The following KDM5A variants were observed in gnomAD, a reference collection of about 807,000 sequenced individuals.
KDM5A encodes the protein lysine demethylase 5A.
KDM5A carries 42 observed loss-of-function variants against 193.5 expected under a neutral mutation model. The ratio of observed to expected loss-of-function variants is 0.22; its 90% CI spans 0.17 to 0.28. The LOEUF is 0.28. KDM5A is among the 10% of genes least tolerant of loss of function. The pLI is 1.00. For missense variants in KDM5A, 1,692 were observed against 2,055.1 expected (o/e 0.82, Z 3.42); for synonymous variants, 796 against 718.1 (o/e 1.11, Z -1.73).
Position 283,990 on chromosome 12 carries a change from G to A in KDM5A, c.*1466C>T, listed in dbSNP as rs1213085589. The A allele has an allele frequency of 4.3e-6, 1 of 233,208 alleles. No homozygotes were observed. The highest frequency in any genetic ancestry group is 8.5e-6 in the Non-Finnish European group (1 of 117,918). The allele number at this position is 233,208 out of a possible 1,614,324, so 14.4% of individuals were successfully genotyped here. On this transcript the variant is annotated 3_prime_UTR_variant, in exon 28 of 28. Coordinates refer to ENST00000399788, the MANE Select transcript of KDM5A (RefSeq NM_001042603.3). ...CCAGCACAGACTAGAGTGAGACCAA[G>A]TTTCCCAACAGACAGGGACAAGTCC...
chr12:329,443 G>T (rs1591915904), intron 13 of KDM5A, among the ~76,000 whole-genome samples: 1 of 151,054 alleles, frequency 6.6e-6, no homozygotes, highest in East Asian at 1.9e-4. Flanking sequence ...GAAGTATTCA[G>T]CACTCAAATT....
At chr12:380,992 ATT>A (rs1195357589) in intron 3 of KDM5A, among the ~76,000 whole-genome samples, 1 of 82,306 alleles carries the variant, frequency 1.2e-5, no homozygotes, top group East Asian at 2.8e-4. Context: ...GATAGGTTTT[ATT>A]TTATTTTTTT....
intron 12 of KDM5A, among the ~76,000 whole-genome samples, chr12:332,288 C>A (rs1481208173): frequency 1.3e-5 from 2 of 152,122 alleles, no homozygotes; most frequent in Non-Finnish European, 2.9e-5. Context: ...AATAGAATTT[C>A]CTACTACTTT....
Position 290,304 on chromosome 12 carries a change from C to A in KDM5A, c.4866+2455G>T, listed in dbSNP as rs543817000. On this transcript the variant is annotated intron_variant, in intron 27 of 27. Coordinates refer to ENST00000399788, the MANE Select transcript of KDM5A (RefSeq NM_001042603.3). ...TAGAACCATAAAAACTGCAAAACAG[C>A]AGTAACAGGCAAAATATCTATAATC... Among the ~76,000 whole-genome samples the A allele has an allele frequency of 3.6e-4, 55 of 152,210 alleles. 1 individual carries two copies. Among genetic ancestry groups the A allele is most frequent in the Non-Finnish European group, 7.2e-4 (49 of 68,006 alleles).
Position 312,598 on chromosome 12 carries a change from A to G in KDM5A, c.3036+458T>C, listed in dbSNP as rs139889866. On this transcript the variant is annotated intron_variant, in intron 20 of 27. Transcript: ENST00000399788. ...TCTAAATTATAAAATCAGACGAAAG[A>G]GTAAGTGAACTTTACTAGAATTATT... Among the ~76,000 whole-genome samples the G allele has an allele frequency of 1.0e-2, 1,519 of 152,376 alleles. 18 individuals carry two copies. The highest frequency in any genetic ancestry group is 0.034 in the African/African-American group (1,425 of 41,596).
Position 280,911 on chromosome 12 carries a change from T to C in KDM5A, c.*4545A>G, listed in dbSNP as rs1943148714. 1 of 232,906 alleles carries C rather than the reference T, an allele frequency of 4.3e-6. No homozygotes were observed. Among genetic ancestry groups the C allele is most frequent in the African/African-American group, 2.2e-5 (1 of 45,318 alleles). The allele number at this position is 232,906 out of a possible 1,614,324, so 14.4% of individuals were successfully genotyped here. ...AATTATTTTGGCTCAGTTCTTTATTTTATAGTTAGCAAATGAAATTAGAAA... is the reference window on the plus strand; with the variant it reads ...AATTATTTTGGCTCAGTTCTTTATTCTATAGTTAGCAAATGAAATTAGAAA... On this transcript the variant is annotated 3_prime_UTR_variant, in exon 28 of 28. Transcript: ENST00000399788.
At chr12:313,490 C>T (rs1437115160) in intron 19 of KDM5A, among the ~76,000 whole-genome samples, 3 of 152,132 alleles carry the variant, frequency 2.0e-5, no homozygotes, top group Non-Finnish European at 2.9e-5. Context: ...ATAAAGGACA[C>T]ATCTGAAATA....
chr12:367,145 G>A (rs1405650409), intron 3 of KDM5A, among the ~76,000 whole-genome samples: 2 of 152,160 alleles, frequency 1.3e-5, no homozygotes, highest in African/African-American at 4.8e-5. Context: ...TAAGTGACAC[G>A]ATTGTACAGG....
intron 27 of KDM5A, among the ~76,000 whole-genome samples, chr12:289,863 T>C (rs554282264): frequency 9.9e-5 from 15 of 151,124 alleles, no homozygotes; most frequent in Admixed American, 2.0e-4. Flanking sequence ...GCATGGTATC[T>C]TAAAGAACAA....
rs16929151 is a variant in KDM5A, at chr12:283,306, G to C, written c.*2150C>G. The C allele has an allele frequency of 5.4e-3, 1,260 of 231,920 alleles. 41 individuals carry two copies. In the East Asian group the frequency reaches 0.069, roughly 13 times the overall value. The allele number at this position is 231,920 out of a possible 1,614,324, so 14.4% of individuals were successfully genotyped here. The stretch of plus-strand genomic sequence containing the variant: ...GGAAATTCTTAATTGATAATCGTTA[G>C]CTTGGCAAAACGAAAACTTATGAAA... On this transcript the variant is annotated 3_prime_UTR_variant, in exon 28 of 28. Transcript: ENST00000399788.
At chr12:353,617 T>C (rs918038180) in intron 8 of KDM5A, among the ~76,000 whole-genome samples, 7 of 152,122 alleles carry the variant, frequency 4.6e-5, no homozygotes, top group African/African-American at 1.4e-4. Context: ...CCATTCAATA[T>C]AGATATTTTA....
chr12:286,537 C>T (rs192253780), intron 27 of KDM5A, among the ~76,000 whole-genome samples: 2 of 152,304 alleles, frequency 1.3e-5, no homozygotes, highest in East Asian at 3.9e-4. Flanking sequence ...AGCTACTCTT[C>T]CTCACCTCAA....
Position 280,145 on chromosome 12 carries a change from C to T in KDM5A, c.*5311G>A, listed in dbSNP as rs1456171769. The T allele has an allele frequency of 8.6e-6, 2 of 231,290 alleles. No homozygotes were observed. The highest frequency in any genetic ancestry group is 4.4e-5 in the African/African-American group (2 of 45,232). 14.3% of individuals were successfully genotyped at this position (231,290 alleles called of 1,614,324 possible). On this transcript the variant is annotated 3_prime_UTR_variant, in exon 28 of 28. Coordinates refer to ENST00000399788, the MANE Select transcript of KDM5A (RefSeq NM_001042603.3). ...GAGAAGGGGTGAAGAGAGTGAAATTCCAAAATCACTCTAGTTTATTCACAT... is the reference window on the plus strand; with the variant it reads ...GAGAAGGGGTGAAGAGAGTGAAATTTCAAAATCACTCTAGTTTATTCACAT...
chr12:284,603 G>A lies in KDM5A; in HGVS notation c.*853C>T, dbSNP rs138695488. ...AGCATGCATCACTGTGGCTCAGTAA[G>A]ATAGTACGACTGGTCATCATCGTCA... On this transcript the variant is annotated 3_prime_UTR_variant, in exon 28 of 28. Transcript: ENST00000399788. 789 of 232,038 alleles carry A rather than the reference G, an allele frequency of 3.4e-3. 18 individuals carry two copies. Among genetic ancestry groups the A allele is most frequent in the Admixed American group, 0.032 (574 of 17,732 alleles). 14.4% of individuals were successfully genotyped at this position (232,038 alleles called of 1,614,324 possible).
chr12:374,640 C>G (rs1262304894), intron 3 of KDM5A, among the ~76,000 whole-genome samples: 1 of 152,114 alleles, frequency 6.6e-6, no homozygotes, highest in Non-Finnish European at 1.5e-5. Flanking sequence ...TTATTTTGCT[C>G]GTTAGTTGAT....
In KDM5A at chr12:323,592, T is replaced by C. The variant is rs1318422922; in HGVS notation, c.2150+8A>G. 4 of 1,613,184 alleles carry C rather than the reference T, an allele frequency of 2.5e-6. No individual in the cohort carries two copies. The highest frequency in any genetic ancestry group is 2.5e-6 in the Non-Finnish European group (3 of 1,179,266). On this transcript the variant is annotated splice_region_variant and intron_variant, in intron 15 of 27. Transcript: ENST00000399788. ...GTAATGGAAGTTTTACAAAATACTT[T>C]TGGATACCTAAGACATTTCTTCTGC... is the stretch of plus-strand genomic sequence containing the variant.
intron 3 of KDM5A, among the ~76,000 whole-genome samples, chr12:378,825 G>A (rs1199905484): frequency 6.6e-6 from 1 of 152,120 alleles, no homozygotes; most frequent in Non-Finnish European, 1.5e-5. Flanking sequence ...CGGGCGTGGT[G>A]GTGGGCGCCT....
intron 20 of KDM5A, among the ~76,000 whole-genome samples, chr12:312,515 C>T (rs1482017363): frequency 6.6e-6 from 1 of 152,114 alleles, no homozygotes; most frequent in Non-Finnish European, 1.5e-5. Context: ...CTAATTCCAT[C>T]ATCTTTCATA....
chr12:320,493 T>C (rs1008600925), intron 18 of KDM5A, among the ~76,000 whole-genome samples: 1 of 151,950 alleles, frequency 6.6e-6, no homozygotes, highest in Non-Finnish European at 1.5e-5. Flanking sequence ...GAGACTCCCA[T>C]CTCAAAAACA....
Sources: allele counts gnomAD v4.1 joint callset (sites outside exome capture counted in the v4.1 genomes callset), GRCh38; gene constraint gnomAD v4.1.1; transcripts MANE v1.5; gene names NCBI Gene and HGNC (gene_info 2026-07-23, HGNC 2026-07-21).